Variants in MYOCD observed in about 807,000 individuals in gnomAD.
The protein encoded by MYOCD is myocardin.
Under a neutral mutation model 96.1 loss-of-function variants are expected in MYOCD, and 32 were observed. The ratio of observed to expected loss-of-function variants is 0.33; its 90% CI spans 0.25 to 0.45. The LOEUF is 0.45. Among genes scored for constraint, MYOCD ranks in the 20% least tolerant of loss-of-function variants. The probability of loss-of-function intolerance (pLI) is 1.00; values close to 1 mark genes in which losing one functional copy is unlikely to be tolerated. For missense variants in MYOCD, 1,133 were observed against 1,200.6 expected, an observed-to-expected ratio of 0.94 and a Z score of 0.83; for synonymous variants, 469 against 469.0, an observed-to-expected ratio of 1.00 and a Z score of 0.00.
At chr17:12,736,470 T>G (rs919803229) in intron 6 of MYOCD, 134 bp downstream of exon 6, 7 of 870,496 alleles carry the variant, frequency 8.0e-6, no homozygotes, top group Non-Finnish European at 1.2e-5. Flanking sequence ...GCCACAGCAT[T>G]TTGATGCCTC....
chr17:12,733,698 T>C (rs1476220901), intron 5 of MYOCD, among the ~76,000 whole-genome samples: 1 of 152,006 alleles, frequency 6.6e-6, no homozygotes, highest in Non-Finnish European at 1.5e-5. Context: ...TGAAACCCTG[T>C]CTCCACAAAA....
intron 1 of MYOCD, chr17:12,671,861 C>T (rs1483016346): frequency 6.6e-6 from 1 of 152,194 alleles, no homozygotes; most frequent in Non-Finnish European, 1.5e-5. Context: ...CTAGAACAGG[C>T]TGCTTTTCAT....
In MYOCD at chr17:12,670,071, C is replaced by T. The variant is rs76084779; in HGVS notation, c.55+3828C>T. 6.6e-3 allele frequency among the ~76,000 whole-genome samples: 1,002 copies of T among 152,218 alleles called. 9 individuals are homozygous for T. The highest frequency in any genetic ancestry group is 0.037 in the Middle Eastern group (11 of 294). On this transcript the variant is annotated intron_variant, in intron 1 of 13. Coordinates refer to ENST00000425538, the MANE Select transcript of MYOCD (RefSeq NM_001146312.3). Reference sequence around the variant, plus strand: ...GGTGAGGAAGAACATGGGAGCTTCACCTCTGGTCTCTGGTCGTCTGGCAAG... The same window carrying T: ...GGTGAGGAAGAACATGGGAGCTTCATCTCTGGTCTCTGGTCGTCTGGCAAG...
chr17:12,758,534 T>C (rs1333116482), intron 12 of MYOCD, among the ~76,000 whole-genome samples: 1 of 152,228 alleles, frequency 6.6e-6, no homozygotes, highest in Non-Finnish European at 1.5e-5. Flanking sequence ...GGATTCTAGA[T>C]AGCCTCGCAC....
intron 5 of MYOCD, among the ~76,000 whole-genome samples, chr17:12,724,775 G>C (rs1349785117): frequency 1.3e-5 from 2 of 151,880 alleles, no homozygotes; most frequent in African/African-American, 4.8e-5. Flanking sequence ...ACAATTTTAT[G>C]ATCTATTTTA....
chr17:12,667,957 T>C (rs937976233), intron 1 of MYOCD, among the ~76,000 whole-genome samples: 3 of 152,128 alleles, frequency 2.0e-5, no homozygotes, highest in African/African-American at 7.2e-5. Context: ...AATCCTCCCG[T>C]CATTGATAAA....
chr17:12,667,815 G>A (rs1021076608), intron 1 of MYOCD, among the ~76,000 whole-genome samples: 9 of 152,150 alleles, frequency 5.9e-5, no homozygotes, highest in Non-Finnish European at 1.5e-5. Context: ...CTCCTAAGTA[G>A]ACCCTGAAGA....
At chr17:12,713,749 C>A (rs921745880) in intron 2 of MYOCD, among the ~76,000 whole-genome samples, 6 of 152,076 alleles carry the variant, frequency 3.9e-5, no homozygotes, top group African/African-American at 7.3e-5. Flanking sequence ...ATAAATTCCA[C>A]CTGCGATCAA....
chr17:12,755,285 T>G (rs1409119406), intron 10 of MYOCD, among the ~76,000 whole-genome samples: 1 of 152,194 alleles, frequency 6.6e-6, no homozygotes, highest in Non-Finnish European at 1.5e-5. Flanking sequence ...TCACAAAGAC[T>G]CTTTGAAGAC....
intron 2 of MYOCD, among the ~76,000 whole-genome samples, chr17:12,713,319 T>G (rs1567583281): frequency 6.6e-6 from 1 of 152,118 alleles, no homozygotes. Flanking sequence ...GGAAATACAG[T>G]GTTTCTTAGA....
chr17:12,709,073 T>A (rs1270999836), intron 2 of MYOCD, among the ~76,000 whole-genome samples: 5 of 152,210 alleles, frequency 3.3e-5, no homozygotes, highest in Admixed American at 6.5e-5. Context: ...AATGAAAGGT[T>A]TCACTGACTT....
intron 8 of MYOCD, among the ~76,000 whole-genome samples, chr17:12,745,355 A>G (rs2032631432): frequency 6.6e-6 from 1 of 152,032 alleles, no homozygotes; most frequent in Non-Finnish European, 1.5e-5. Flanking sequence ...GATTACAGGC[A>G]TGCGCCACCA....
At chr17:12,741,476 G>A (rs1377022588) in intron 7 of MYOCD, among the ~76,000 whole-genome samples, 1 of 152,218 alleles carries the variant, frequency 6.6e-6, no homozygotes, top group Non-Finnish European at 1.5e-5. Flanking sequence ...GGGAGGCCGA[G>A]GCGGGCAGAT....
chr17:12,744,414 G>T lies in MYOCD; in HGVS notation c.949G>T (p.Gly317Trp). The change falls in exon 8 of 14, where the codon GGG (glycine) becomes TGG (tryptophan). Residue 317 changes from glycine (G) to tryptophan (W), a missense_variant. Physicochemically the swap from Gly to Trp is radical, Grantham distance 184. Transcript: ENST00000425538. The stretch of plus-strand genomic sequence containing the variant: ...GCAGCAACACCGATTCAGCTACCTA[G>T]GGATGCACCAAGCTCAGCTTAAGTA... Reference protein sequence around the residue: ...QQQQHRFSYLGMHQAQLKEPN... With the variant: ...QQQQHRFSYLWMHQAQLKEPN... The T allele has an allele frequency of 6.2e-7, 1 of 1,612,706 alleles. No individual in the cohort carries two copies. The highest frequency in any genetic ancestry group is 8.5e-7 in the Non-Finnish European group (1 of 1,179,312).
At chr17:12,750,277 T>G (rs1034137954) in intron 9 of MYOCD, among the ~76,000 whole-genome samples, 1 of 152,188 alleles carries the variant, frequency 6.6e-6, no homozygotes, top group Non-Finnish European at 1.5e-5. Flanking sequence ...AGATTCTGAT[T>G]TAGGTCTGGG....
chr17:12,673,045 C>CA (rs1567565744), intron 1 of MYOCD, among the ~76,000 whole-genome samples: 1 of 152,158 alleles, frequency 6.6e-6, no homozygotes, highest in Admixed American at 6.5e-5. Flanking sequence ...GCAATATCCT[C>CA]ATTTCACAGA....
intron 1 of MYOCD, among the ~76,000 whole-genome samples, chr17:12,704,402 A>G (rs1380004708): frequency 2.0e-5 from 3 of 152,230 alleles, no homozygotes; most frequent in African/African-American, 7.2e-5. Flanking sequence ...TATGATATGT[A>G]TAATCTATTT....
In MYOCD at chr17:12,768,426, G is replaced by T. The variant is rs899269409; in HGVS notation, c.*4782G>T. 6.6e-6 allele frequency: 1 copy of T among 152,190 alleles called. No homozygotes were observed. Among genetic ancestry groups the T allele is most frequent in the South Asian group, 2.1e-4 (1 of 4,832 alleles). 9.4% of individuals were successfully genotyped at this position (152,190 alleles called of 1,614,324 possible). ...TTCCCTTTTGATTCTGGGAATCAGC[G>T]ATTTTCCCTGTGGATTAAGACAAAC... is the stretch of plus-strand genomic sequence containing the variant. On this transcript the variant is annotated 3_prime_UTR_variant, in exon 14 of 14. Coordinates refer to ENST00000425538, the MANE Select transcript of MYOCD (RefSeq NM_001146312.3).
Position 12,748,608 on chromosome 17 carries a change from C to T in MYOCD, c.1125+2536C>T, listed in dbSNP as rs762985388. ...TATATAAACCTTTGTCCTGAACAAG[C>T]GCATACAGTGTAATATTCTGAAGTT... On this transcript the variant is annotated intron_variant, in intron 9 of 13. Transcript: ENST00000425538. Among the ~76,000 whole-genome samples the T allele has an allele frequency of 9.9e-5, 15 of 152,118 alleles. No homozygotes were observed. In the East Asian group the frequency reaches 1.9e-3, roughly 19 times the overall value.
Sources: allele counts gnomAD v4.1 joint callset (sites outside exome capture counted in the v4.1 genomes callset), GRCh38; gene constraint gnomAD v4.1.1; transcripts MANE v1.5; gene names NCBI Gene and HGNC (gene_info 2026-07-23, HGNC 2026-07-21).